STARD4: variants seen among roughly 807,000 people sequenced by gnomAD.
STARD4 encodes stAR-related lipid transfer protein 4.
A neutral mutation model predicts 24.9 loss-of-function variants in STARD4; 33 were observed. The observed-to-expected ratio is 1.32, with a 90% CI of 1.00 to 1.77. The LOEUF (loss-of-function observed/expected upper bound fraction) is 1.77. Ranked by LOEUF, STARD4 falls within the 40% of genes most tolerant of loss-of-function variation. The probability of loss-of-function intolerance (pLI) is 0.00; values close to 1 mark genes in which losing one functional copy is unlikely to be tolerated. For missense variants in STARD4, 238 were observed against 249.3 expected (o/e 0.95, Z 0.31); for synonymous variants, 88 against 77.4 (o/e 1.14, Z -0.72).
In STARD4 at chr5:111,498,509, A is replaced by G. The variant is rs1756220368; in HGVS notation, c.*1377T>C. ...TCTACGCTAATAAAAACAAATAAAA[A>G]ATAGATGAAGTCAAAACTAACATTT... On this transcript the variant is annotated 3_prime_UTR_variant, in exon 6 of 6. Transcript: ENST00000296632. The G allele has an allele frequency of 6.6e-6, 1 of 152,042 alleles. No homozygotes were observed. The highest frequency in any genetic ancestry group is 2.1e-4 in the South Asian group (1 of 4,820). The allele number at this position is 152,042 out of a possible 1,614,324, so 9.4% of individuals were successfully genotyped here.
intron 1 of STARD4, among the ~76,000 whole-genome samples, chr5:111,508,653 GA>G (rs1404580847): frequency 4.6e-5 from 7 of 152,150 alleles, no homozygotes; most frequent in Non-Finnish European, 1.0e-4. Context: ...GCACACATCA[GA>G]ATCACCTTTT....
At position 111,502,096 on chromosome 5, in the gene STARD4, A is replaced by G; in HGVS notation, c.156-8T>C. 6.2e-7 allele frequency: 1 copy of G among 1,608,616 alleles called. No homozygotes were observed. The highest frequency in any genetic ancestry group is 8.5e-7 in the Non-Finnish European group (1 of 1,178,326). On this transcript the variant is annotated splice_region_variant and splice_polypyrimidine_tract_variant and intron_variant, in intron 3 of 5. Coordinates refer to ENST00000296632, the MANE Select transcript of STARD4 (RefSeq NM_139164.3). ...ACACCTTGGGCTTTGTAGCTGGAGA[A>G]AAAAAGTTTAAGTCAACCGCTGTTA...
Position 111,502,044 on chromosome 5 carries a change from A to G in STARD4, c.200T>C (p.Ile67Thr). Residue 67 changes from isoleucine (I) to threonine (T), a missense_variant, in exon 4 of 6, where the codon ATA (isoleucine) becomes ACA (threonine). By Grantham distance (89) the Ile-to-Thr change is moderately conservative. Coordinates refer to ENST00000296632, the MANE Select transcript of STARD4 (RefSeq NM_139164.3). ...ACAAGGCCCTGGGCGTATATGGTCTATTATACTATAGACAAGGTCATCTAT... is the reference window on the plus strand; with the variant it reads ...ACAAGGCCCTGGGCGTATATGGTCTGTTATACTATAGACAAGGTCATCTAT... Reference protein sequence around the residue: ...GVIDDLVYSIIDHIRPGPCRL... With the variant: ...GVIDDLVYSITDHIRPGPCRL... 6.2e-7 allele frequency: 1 copy of G among 1,614,198 alleles called. No homozygotes were observed. The highest frequency in any genetic ancestry group is 2.2e-5 in the East Asian group (1 of 44,886).
At chr5:111,502,221 C>T in intron 3 of STARD4, 133 bp from the exon 4 acceptor site, 1 of 1,035,830 alleles carries the variant, frequency 9.7e-7, no homozygotes, top group Non-Finnish European at 1.4e-6. Flanking sequence ...GTAATCCCAG[C>T]ATTCTGGGAG....
Position 111,507,465 on chromosome 5 carries a change from C to T in STARD4, c.-9-23G>A, listed in dbSNP as rs1756950694. The T allele has an allele frequency of 1.0e-5, 16 of 1,589,250 alleles. No individual in the cohort carries two copies. Among genetic ancestry groups the T allele is most frequent in the Non-Finnish European group, 1.3e-5 (15 of 1,162,832 alleles). ...TCTCTGTTATGGAGACCAAGATTAG[C>T]ATCAGCAAATACCACAGTTTGAGGC... On this transcript the variant is annotated intron_variant, in intron 1 of 5. Transcript: ENST00000296632. This position sits in a 1 kb window ranked among gnomAD's most constrained non-coding sequence, Gnocchi z 4.4.
At position 111,499,734 on chromosome 5, in the gene STARD4, T is replaced by G. The variant is rs537470805; in HGVS notation, c.*152A>C. ...TGCCCTCTCTTAGATAGCTATTTAC[T>G]TTAGGAATAAAACCAAACATTGTAC... On this transcript the variant is annotated 3_prime_UTR_variant, in exon 6 of 6. Coordinates refer to ENST00000296632, the MANE Select transcript of STARD4 (RefSeq NM_139164.3). 1 of 689,162 alleles carries G rather than the reference T, an allele frequency of 1.5e-6. No individual in the cohort carries two copies. The highest frequency in any genetic ancestry group is 2.4e-6 in the Non-Finnish European group (1 of 415,904). 42.7% of individuals were successfully genotyped at this position (689,162 alleles called of 1,614,324 possible).
chr5:111,501,943 A>G lies in STARD4; in HGVS notation c.282+19T>C, dbSNP rs1301262589. ...CATGCACATACACACAGTCTAAAGT[A>G]ATGTTTCTAAATAGATACCTCTTCA... On this transcript the variant is annotated intron_variant, in intron 4 of 5. Coordinates refer to ENST00000296632, the MANE Select transcript of STARD4 (RefSeq NM_139164.3). 3.1e-6 allele frequency: 5 copies of G among 1,613,636 alleles called. No homozygotes were observed. The highest frequency in any genetic ancestry group is 4.2e-6 in the Non-Finnish European group (5 of 1,179,830).
intron 3 of STARD4, chr5:111,505,180 T>A (rs1344887865): frequency 2.9e-6 from 1 of 344,654 alleles, no homozygotes; most frequent in East Asian, 8.4e-5. Flanking sequence ...ACATTAGTTC[T>A]CTATGAAGTC....
chr5:111,500,727 T>C (rs1756374972), intron 5 of STARD4: 1 of 1,399,354 alleles, frequency 7.1e-7, no homozygotes, highest in East Asian at 2.7e-5. Flanking sequence ...AAAATCCATT[T>C]ACTAGAACCC....
chr5:111,502,195 A>G, intron 3 of STARD4, 107 bp from the exon 4 acceptor site: 2 of 1,317,834 alleles, frequency 1.5e-6, no homozygotes, highest in Non-Finnish European at 2.1e-6. Flanking sequence ...TAGGCCGGGT[A>G]GGGTGGCTCA....
chr5:111,510,393 T>A (rs1250130245), intron 1 of STARD4, among the ~76,000 whole-genome samples: 1 of 152,214 alleles, frequency 6.6e-6, no homozygotes, highest in African/African-American at 2.4e-5. Context: ...CTGTGGAGAA[T>A]GTCAGGTAAA....
chr5:111,501,162 A>T, intron 4 of STARD4, 46 bp from the exon 5 acceptor site: 1 of 1,532,616 alleles, frequency 6.5e-7, no homozygotes, highest in Non-Finnish European at 8.7e-7. Context: ...TAGGAAACAT[A>T]CATAGCTTCA....
Position 111,507,256 on chromosome 5 carries a change from T to C in STARD4, c.105+73A>G. On this transcript the variant is annotated intron_variant, in intron 2 of 5. Transcript: ENST00000296632. The surrounding 1 kb of genome is among the most constrained non-coding windows in gnomAD (Gnocchi z 4.4). Reference sequence around the variant, plus strand: ...TGGTCTTTGTCCATATTGTTCCATTTAATTTTAAAAGTCATCAACCAATTC... The same window carrying C: ...TGGTCTTTGTCCATATTGTTCCATTCAATTTTAAAAGTCATCAACCAATTC... 8.0e-7 allele frequency: 1 copy of C among 1,249,042 alleles called. No individual in the cohort carries two copies. The highest frequency in any genetic ancestry group is 1.1e-6 in the Non-Finnish European group (1 of 877,808). The allele number at this position is 1,249,042 out of a possible 1,614,324, so 77.4% of individuals were successfully genotyped here.
chr5:111,496,073 A>G lies in STARD4; in HGVS notation c.*3813T>C, dbSNP rs769487350. 3 of 152,086 alleles carry G rather than the reference A, an allele frequency of 2.0e-5. No homozygotes were observed. The highest frequency in any genetic ancestry group is 4.4e-5 in the Non-Finnish European group (3 of 67,952). 9.4% of individuals were successfully genotyped at this position (152,086 alleles called of 1,614,324 possible). On this transcript the variant is annotated 3_prime_UTR_variant, in exon 6 of 6. Transcript: ENST00000296632. ...CAAATTTTTATTTTGTTTCATACCAATTTAAAAATAAATACATATTTTATT... is the reference window on the plus strand; with the variant it reads ...CAAATTTTTATTTTGTTTCATACCAGTTTAAAAATAAATACATATTTTATT...
rs1554078500 is a variant in STARD4, at chr5:111,502,029, G to A, written c.215C>T (p.Pro72Leu). ...LVYSIIDHIR[P>L]GPCRLDWDSL... ...GTCCCAATCCAAACGACAAGGCCCT[G>A]GGCGTATATGGTCTATTATACTATA... The change falls in exon 4 of 6, where the codon CCA (proline) becomes CTA (leucine). Residue 72 changes from proline (P) to leucine (L), a missense_variant. Physicochemically the swap from Pro to Leu is moderately conservative, Grantham distance 98. Coordinates refer to ENST00000296632, the MANE Select transcript of STARD4 (RefSeq NM_139164.3). 1 of 1,613,966 alleles carries A rather than the reference G, an allele frequency of 6.2e-7. No individual in the cohort carries two copies. The highest frequency in any genetic ancestry group is 1.7e-5 in the Admixed American group (1 of 60,002).
At position 111,502,002 on chromosome 5, in the gene STARD4, C is replaced by CT; in HGVS notation, c.241dup (p.Ser81LysfsTer13). On this transcript the variant is annotated frameshift_variant, in exon 4 of 6. Coordinates refer to ENST00000296632, the MANE Select transcript of STARD4 (RefSeq NM_139164.3). LOFTEE classifies it high-confidence loss of function. ...CAGAATATCCAAAGAAGTCATCAAG[C>CT]TGTCCCAATCCAAACGACAAGGCCC... is the stretch of plus-strand genomic sequence containing the variant. 6.2e-7 allele frequency: 1 copy of CT among 1,614,150 alleles called. No individual in the cohort carries two copies. Among genetic ancestry groups the CT allele is most frequent in the Non-Finnish European group, 8.5e-7 (1 of 1,180,038 alleles).
intron 1 of STARD4, among the ~76,000 whole-genome samples, chr5:111,510,831 A>C (rs1757211820): frequency 6.6e-6 from 1 of 152,190 alleles, no homozygotes; most frequent in South Asian, 2.1e-4. Flanking sequence ...TTCTATTTTA[A>C]ATATGGAACA....
chr5:111,510,505 C>T (rs1757182266), intron 1 of STARD4, among the ~76,000 whole-genome samples: 2 of 152,186 alleles, frequency 1.3e-5, no homozygotes, highest in South Asian at 4.1e-4. Context: ...CCAACTCTAA[C>T]ATTTACACGT....
intron 3 of STARD4, among the ~76,000 whole-genome samples, chr5:111,505,675 C>T (rs1190682279): frequency 6.6e-6 from 1 of 152,062 alleles, no homozygotes; most frequent in Non-Finnish European, 1.5e-5. Flanking sequence ...GTACTTAAAT[C>T]ACTGTTATCT....
Sources: allele counts gnomAD v4.1 joint callset (sites outside exome capture counted in the v4.1 genomes callset), GRCh38; gene constraint gnomAD v4.1.1; non-coding constraint Gnocchi (gnomAD v3.1); transcripts MANE v1.5; gene names NCBI Gene and HGNC (gene_info 2026-07-23, HGNC 2026-07-21).